ZNF236: variants seen among roughly 807,000 people sequenced by gnomAD.
The protein encoded by ZNF236 is regulated by glucose.
Under a neutral mutation model 191.2 loss-of-function variants are expected in ZNF236, and 50 were observed. That is an observed-to-expected ratio of 0.26 (90% CI 0.21 to 0.33). The LOEUF (loss-of-function observed/expected upper bound fraction) is 0.33, where lower values mean the gene tolerates loss of function less well. Ranked by LOEUF, ZNF236 falls within the 10% of genes least tolerant of loss-of-function variation. The pLI is 1.00. For missense variants in ZNF236, 1,754 were observed against 2,374.5 expected (o/e 0.74, Z 5.43); for synonymous variants, 907 against 928.8 (o/e 0.98, Z 0.43).
intron 9 of ZNF236, among the ~76,000 whole-genome samples, chr18:76,889,440 G>A (rs1568214356): frequency 1.3e-5 from 2 of 152,258 alleles, no homozygotes; most frequent in African/African-American, 2.4e-5. Context: ...TGCCTGGCAT[G>A]GTGCTTGGCA....
chr18:76,893,520 CTTTT>C (rs1977309537), intron 9 of ZNF236, among the ~76,000 whole-genome samples: 1 of 149,532 alleles, frequency 6.7e-6, no homozygotes, highest in African/African-American at 2.5e-5. Flanking sequence ...TCCTTTTTTT[CTTTT>C]TGAGACAGGG....
chr18:76,969,286 A>G lies in ZNF236; in HGVS notation c.*947A>G, dbSNP rs756846553. On this transcript the variant is annotated 3_prime_UTR_variant, in exon 31 of 31. Coordinates refer to ENST00000320610, the MANE Select transcript of ZNF236 (RefSeq NM_001306089.2). ...TTCAGGGAATTCTTTAGTATCGTCAATGGTGCCACATAAAACATGTCCCAA... is the reference window on the plus strand; with the variant it reads ...TTCAGGGAATTCTTTAGTATCGTCAGTGGTGCCACATAAAACATGTCCCAA... 1.3e-5 allele frequency: 2 copies of G among 151,772 alleles called. No individual in the cohort carries two copies. Among genetic ancestry groups the G allele is most frequent in the South Asian group, 2.1e-4 (1 of 4,828 alleles). The allele number at this position is 151,772 out of a possible 1,614,324, so 9.4% of individuals were successfully genotyped here.
chr18:76,824,252 C>T (rs1193993038), intron 1 of ZNF236: 1 of 774,866 alleles, frequency 1.3e-6, no homozygotes, highest in East Asian at 2.4e-5. Context: ...TAGGCCACAC[C>T]AAACCAGGAA....
Position 76,948,045 on chromosome 18 carries a change from A to T in ZNF236, c.4914+393A>T, listed in dbSNP as rs138154936. ...TAGTAACACCTTTGCAGATTCTGTT[A>T]AGTGTCATACACATTTTCATATACG... On this transcript the variant is annotated intron_variant, in intron 27 of 30. Coordinates refer to ENST00000320610, the MANE Select transcript of ZNF236 (RefSeq NM_001306089.2). 2.8e-3 allele frequency among the ~76,000 whole-genome samples: 425 copies of T among 152,218 alleles called. 6 individuals are homozygous for T. The highest frequency in any genetic ancestry group is 9.9e-3 in the African/African-American group (412 of 41,536).
intron 30 of ZNF236, among the ~76,000 whole-genome samples, chr18:76,966,582 C>T (rs1968782442): frequency 6.6e-6 from 1 of 152,136 alleles, no homozygotes; most frequent in Admixed American, 6.5e-5. Flanking sequence ...AGCCCCTTTT[C>T]CTGCAGCATG....
chr18:76,929,122 A>G (rs1967785081), intron 25 of ZNF236, among the ~76,000 whole-genome samples: 1 of 150,590 alleles, frequency 6.6e-6, no homozygotes. Context: ...TTCTGCAGAA[A>G]TTAATTTCAG....
At chr18:76,936,593 C>T (rs1272844895) in intron 25 of ZNF236, among the ~76,000 whole-genome samples, 1 of 152,220 alleles carries the variant, frequency 6.6e-6, no homozygotes, top group East Asian at 1.9e-4. Flanking sequence ...TTTTGACCTC[C>T]TGTCTTTTAG....
rs984257959 is a variant in ZNF236, at chr18:76,968,197, T to C, written c.5420-18T>C. On this transcript the variant is annotated intron_variant, in intron 30 of 30. Transcript: ENST00000320610. ...GGAAGGTCTGAGGCTGCTTGTGTTT[T>C]CTTTGTCTGCATAACAGGAGCTCTG... The C allele has an allele frequency of 6.2e-7, 1 of 1,613,806 alleles. No homozygotes were observed. Among genetic ancestry groups the C allele is most frequent in the Non-Finnish European group, 8.5e-7 (1 of 1,179,836 alleles).
intron 4 of ZNF236, 143 bp from the exon 5 acceptor site, chr18:76,871,558 A>G (rs1345659175): frequency 2.5e-6 from 2 of 806,640 alleles, no homozygotes; most frequent in East Asian, 2.5e-5. Context: ...ATACACACAG[A>G]CACATACATA....
At chr18:76,966,994 G>T (rs1012504501) in intron 30 of ZNF236, among the ~76,000 whole-genome samples, 2 of 151,904 alleles carry the variant, frequency 1.3e-5, no homozygotes, top group Non-Finnish European at 2.9e-5. Context: ...TCTGTGGTTT[G>T]TTTGGTTGTT....
chr18:76,868,592 T>G, intron 3 of ZNF236, 93 bp from the exon 4 acceptor site: 1 of 1,078,080 alleles, frequency 9.3e-7, no homozygotes, highest in East Asian at 2.7e-5. Context: ...GTAGTTTTCA[T>G]TTAATTTGTG....
intron 3 of ZNF236, among the ~76,000 whole-genome samples, chr18:76,863,605 T>A (rs77137990): frequency 5.9e-5 from 9 of 151,658 alleles, no homozygotes; most frequent in African/African-American, 1.2e-4. Context: ...TTTTTTTTTT[T>A]AAATTAGAGA....
intron 1 of ZNF236, among the ~76,000 whole-genome samples, chr18:76,832,200 C>G (rs551125428): frequency 2.6e-5 from 4 of 152,288 alleles, no homozygotes; most frequent in African/African-American, 9.6e-5. Flanking sequence ...GTACCTCAGC[C>G]TCCTGAGTAG....
chr18:76,847,363 CT>C (rs2122493990), intron 1 of ZNF236, among the ~76,000 whole-genome samples: 1 of 152,290 alleles, frequency 6.6e-6, no homozygotes, highest in South Asian at 2.1e-4. Context: ...TTATTTGTCT[CT>C]TCCTAACCTC....
chr18:76,836,735 G>C (rs1046496046), intron 1 of ZNF236, among the ~76,000 whole-genome samples: 4 of 151,588 alleles, frequency 2.6e-5, no homozygotes, highest in African/African-American at 9.7e-5. Flanking sequence ...CCGCCACCAC[G>C]CCTGGCTAAT....
In ZNF236 at chr18:76,947,540, T is replaced by C. The variant is rs1250612523; in HGVS notation, c.4802T>C (p.Leu1601Pro). Residue 1601 changes from leucine (L) to proline (P), a missense_variant, in exon 27 of 31, where the codon CTC becomes CCC. Physicochemically the swap from Leu to Pro is moderately conservative, Grantham distance 98 (BLOSUM62 -3). Transcript: ENST00000320610. ...TGCCAGGGTCAGCAGTTCCCAGCGC[T>C]CCTCACGGATCCCTCTCTCTCGGGC... is the stretch of plus-strand genomic sequence containing the variant. ...ITSQGQQFPA[L>P]LTDPSLSGQG... 2 of 1,613,966 alleles carry C rather than the reference T, an allele frequency of 1.2e-6. No individual in the cohort carries two copies.
In ZNF236 at chr18:76,927,455, C is replaced by G. The variant is rs1365533138; in HGVS notation, c.4352C>G (p.Ser1451Cys). Reference protein sequence around the residue: ...SGLSLQPTVTSANLTIGPLSE... With the variant: ...SGLSLQPTVTCANLTIGPLSE... Reference sequence around the variant, plus strand: ...CTGTCCTTACAGCCCACAGTGACCTCTGCGAACCTGACCATAGGCCCGCTG... The same window carrying G: ...CTGTCCTTACAGCCCACAGTGACCTGTGCGAACCTGACCATAGGCCCGCTG... Residue 1451 changes from serine (S) to cysteine (C), a missense_variant, in exon 24 of 31, where the codon TCT becomes TGT. Ser to Cys is a moderately radical substitution (Grantham distance 112). Transcript: ENST00000320610. This position sits in a 1 kb window ranked among gnomAD's most constrained non-coding sequence, Gnocchi z 5.4. 1 of 1,614,194 alleles carries G rather than the reference C, an allele frequency of 6.2e-7. No individual in the cohort carries two copies. The highest frequency in any genetic ancestry group is 2.2e-5 in the East Asian group (1 of 44,888).
rs560945101 is a variant in ZNF236, at chr18:76,959,556, A to G, written c.5113-131A>G. 9.2e-5 allele frequency: 104 copies of G among 1,133,512 alleles called. No homozygotes were observed. In the African/African-American group the frequency reaches 1.5e-3, roughly 16 times the overall value. The allele number at this position is 1,133,512 out of a possible 1,614,324, so 70.2% of individuals were successfully genotyped here. ...CCGATGCATTGAAGTCCTTAAGAAC[A>G]CAAATCACAGATTAGCCTTTGATTT... On this transcript the variant is annotated intron_variant, in intron 28 of 30. Coordinates refer to ENST00000320610, the MANE Select transcript of ZNF236 (RefSeq NM_001306089.2).
At chr18:76,950,193 A>G (rs1255311203) in intron 27 of ZNF236, among the ~76,000 whole-genome samples, 2 of 152,144 alleles carry the variant, frequency 1.3e-5, no homozygotes, top group Admixed American at 6.5e-5. Flanking sequence ...TCTTCCTTTC[A>G]TGAAAGATTT....
Sources: allele counts gnomAD v4.1 joint callset (sites outside exome capture counted in the v4.1 genomes callset), GRCh38; gene constraint gnomAD v4.1.1; non-coding constraint Gnocchi (gnomAD v3.1); transcripts MANE v1.5; gene names NCBI Gene and HGNC (gene_info 2026-07-23, HGNC 2026-07-21).